ATOX1: variants seen among roughly 807,000 people sequenced by gnomAD.
The protein encoded by ATOX1 is antioxidant 1 copper chaperone, also known as copper transport protein ATOX1.
ATOX1 carries 4 observed loss-of-function variants against 7.3 expected under a neutral mutation model. The observed-to-expected ratio is 0.55, with a 90% CI of 0.27 to 1.25. ATOX1 has a LOEUF of 1.25. Among genes scored for constraint, ATOX1 ranks in the 50% most tolerant of loss-of-function variants. The pLI, the probability that ATOX1 is intolerant of heterozygous loss-of-function variation, is 0.12. For synonymous variants in ATOX1, 25 were observed against 28.7 expected, an observed-to-expected ratio of 0.87 and a Z score of 0.41; for missense variants, 68 against 81.6, an observed-to-expected ratio of 0.83 and a Z score of 0.64.
At chr5:151,748,294 G>A (rs1295991734) in intron 2 of ATOX1, among the ~76,000 whole-genome samples, 1 of 152,146 alleles carries the variant, frequency 6.6e-6, no homozygotes, top group Non-Finnish European at 1.5e-5. Context: ...CATGGGCAGG[G>A]AGTCGGTGGG....
At chr5:151,755,938 CTTTTTTTTTT>C in intron 1 of ATOX1, among the ~76,000 whole-genome samples, 1 of 118,450 alleles carries the variant, frequency 8.4e-6, no homozygotes, top group South Asian at 2.7e-4. Context: ...TGGGATGATT[CTTTTTTTTTT>C]TTTTTTTTTT....
At chr5:151,755,250 T>G (rs1581559348) in intron 1 of ATOX1, among the ~76,000 whole-genome samples, 1 of 152,326 alleles carries the variant, frequency 6.6e-6, no homozygotes, top group Admixed American at 6.5e-5. Context: ...ACATAAGAGC[T>G]AAATCTACTG....
intron 1 of ATOX1, chr5:151,752,107 G>C (rs1448613351): frequency 1.6e-6 from 1 of 606,794 alleles, no homozygotes; most frequent in African/African-American, 1.9e-5. Context: ...CTTGAGCTAT[G>C]AGCTTTGTCT....
intron 1 of ATOX1, chr5:151,752,496 G>T: frequency 1.6e-6 from 1 of 629,254 alleles, no homozygotes; most frequent in Non-Finnish European, 2.8e-6. Context: ...TAAGCTCCCA[G>T]AAGACAGAGG....
intron 2 of ATOX1, 105 bp downstream of exon 2, chr5:151,751,599 T>C (rs945009263): frequency 3.7e-5 from 44 of 1,177,202 alleles, no homozygotes; most frequent in Non-Finnish European, 5.2e-5. Flanking sequence ...ACTCAATATA[T>C]TTTAGTTTTA....
At chr5:151,751,023 G>T (rs943091163) in intron 2 of ATOX1, among the ~76,000 whole-genome samples, 2 of 151,794 alleles carry the variant, frequency 1.3e-5, no homozygotes, top group Non-Finnish European at 2.9e-5. Flanking sequence ...TTGGGAGGCC[G>T]AGGCGGGCAG....
intron 2 of ATOX1, among the ~76,000 whole-genome samples, chr5:151,746,809 C>T (rs975541318): frequency 1.3e-5 from 2 of 152,158 alleles, no homozygotes; most frequent in Admixed American, 1.3e-4. Context: ...TCTCAGCTCA[C>T]TGCAACCTCC....
chr5:151,755,101 A>G (rs1761997993), intron 1 of ATOX1, among the ~76,000 whole-genome samples: 1 of 152,030 alleles, frequency 6.6e-6, no homozygotes, highest in African/African-American at 2.4e-5. Flanking sequence ...TGGTTTGTGA[A>G]GACTAAAATG....
chr5:151,754,139 C>A (rs1347633205), intron 1 of ATOX1: 1 of 152,198 alleles, frequency 6.6e-6, no homozygotes, highest in African/African-American at 2.4e-5. Flanking sequence ...ATTACAAAAT[C>A]TTGTCTTTAA....
At chr5:151,752,491 T>C in intron 1 of ATOX1, 1 of 633,800 alleles carries the variant, frequency 1.6e-6, no homozygotes, top group East Asian at 2.7e-5. Context: ...GAAGGTAAGC[T>C]CCCAGAAGAC....
intron 2 of ATOX1, among the ~76,000 whole-genome samples, chr5:151,748,443 G>A (rs1379032552): frequency 6.6e-6 from 1 of 152,056 alleles, no homozygotes; most frequent in Admixed American, 6.6e-5. Flanking sequence ...TTCTTTTAGG[G>A]CCATAAGCAA....
rs1226032683 is a variant in ATOX1, at chr5:151,753,086, CA to C, written c.7-1308del. ...CTAGAGGAAGTCAGCTACTAAATTA[CA>C]AAGAAATTCCAGCAACCACAAGGAG... On this transcript the variant is annotated intron_variant, in intron 1 of 3. Coordinates refer to ENST00000313115, the MANE Select transcript of ATOX1 (RefSeq NM_004045.4). Among the ~76,000 whole-genome samples the C allele has an allele frequency of 9.2e-5, 14 of 152,298 alleles. No homozygotes were observed. The East Asian group carries it at 2.7e-3, about 29-fold the overall frequency.
intron 2 of ATOX1, among the ~76,000 whole-genome samples, chr5:151,750,945 G>T (rs570442425): frequency 6.6e-6 from 1 of 151,944 alleles, no homozygotes; most frequent in South Asian, 2.1e-4. Context: ...GAGCCACCGT[G>T]CCCAGCCCCA....
At chr5:151,753,731 A>C (rs1336724345) in intron 1 of ATOX1, 1 of 152,200 alleles carries the variant, frequency 6.6e-6, no homozygotes, top group Non-Finnish European at 1.5e-5. Flanking sequence ...CACCTGCCTC[A>C]ACTGACTCTG....
At chr5:151,748,114 A>C (rs1761900510) in intron 2 of ATOX1, among the ~76,000 whole-genome samples, 1 of 152,222 alleles carries the variant, frequency 6.6e-6, no homozygotes, top group Admixed American at 6.5e-5. Flanking sequence ...GCACATTTTG[A>C]ATGTTTAATA....
chr5:151,747,356 A>C (rs1294759227), intron 2 of ATOX1, among the ~76,000 whole-genome samples: 2 of 141,086 alleles, frequency 1.4e-5, no homozygotes, highest in African/African-American at 5.3e-5. Context: ...CACAATCACA[A>C]ATCACTGTAT....
intron 1 of ATOX1, among the ~76,000 whole-genome samples, chr5:151,754,376 A>G (rs371224016): frequency 2.0e-5 from 3 of 152,218 alleles, no homozygotes; most frequent in South Asian, 2.1e-4. Flanking sequence ...TGGGAGGCTG[A>G]GGCAGGTAGA....
intron 2 of ATOX1, 42 bp from the exon 3 acceptor site, chr5:151,746,491 A>G: frequency 1.9e-6 from 3 of 1,610,578 alleles, no homozygotes; most frequent in Non-Finnish European, 2.5e-6. Context: ...GGAAGCACAG[A>G]CCCTCCCAGT....
intron 1 of ATOX1, chr5:151,752,028 A>G: frequency 3.3e-6 from 2 of 597,816 alleles, no homozygotes; most frequent in South Asian, 4.1e-5. Context: ...TCTGGCACAT[A>G]GTAAATAGAA....
Sources: allele counts gnomAD v4.1 joint callset (sites outside exome capture counted in the v4.1 genomes callset), GRCh38; gene constraint gnomAD v4.1.1; transcripts MANE v1.5; gene names NCBI Gene and HGNC (gene_info 2026-07-23, HGNC 2026-07-21).